Variants in TMEM209 observed in about 807,000 individuals in gnomAD.
TMEM209 encodes the protein transmembrane protein 209.
In TMEM209, 65 loss-of-function variants were observed where a neutral mutation model predicts 76.2. That is an observed-to-expected ratio of 0.85 (90% CI 0.70 to 1.05). The LOEUF (loss-of-function observed/expected upper bound fraction) is 1.05, where lower values mean the gene tolerates loss of function less well. TMEM209 is among the 50% of genes least tolerant of loss of function. The probability of loss-of-function intolerance (pLI) is 0.00; values close to 1 mark genes in which losing one functional copy is unlikely to be tolerated. For missense variants in TMEM209, 623 were observed against 685.5 expected (o/e 0.91, Z 1.02); for synonymous variants, 239 against 237.6 (o/e 1.01, Z -0.06).
chr7:130,196,115 C>T (rs1797962743), intron 5 of TMEM209, among the ~76,000 whole-genome samples: 2 of 152,070 alleles, frequency 1.3e-5, no homozygotes. Context: ...AAAAGATACA[C>T]AGGAGTTTAC....
At chr7:130,202,911 A>C (rs113951724) in intron 3 of TMEM209, among the ~76,000 whole-genome samples, 4,629 of 151,664 alleles carry the variant, frequency 0.031, 105 homozygotes, top group Middle Eastern at 0.065. Context: ...CAACATAGTG[A>C]AACCCCATCT....
chr7:130,192,044 C>T (rs934701593), intron 6 of TMEM209, among the ~76,000 whole-genome samples: 2 of 152,174 alleles, frequency 1.3e-5, no homozygotes, highest in African/African-American at 4.8e-5. Context: ...AAGTTCCTGA[C>T]GGGGGAAAAA....
At chr7:130,192,068 C>A (rs1797816214) in intron 6 of TMEM209, among the ~76,000 whole-genome samples, 1 of 152,140 alleles carries the variant, frequency 6.6e-6, no homozygotes, top group South Asian at 2.1e-4. Context: ...TTACTCAGTT[C>A]AATAACCTAA....
chr7:130,199,559 T>C (rs2117030871), intron 5 of TMEM209, among the ~76,000 whole-genome samples: 1 of 152,272 alleles, frequency 6.6e-6, no homozygotes, highest in East Asian at 1.9e-4. Context: ...TGACATATCT[T>C]TTAAGATTTT....
intron 14 of TMEM209, among the ~76,000 whole-genome samples, chr7:130,170,013 C>A (rs1335332102): frequency 1.3e-5 from 2 of 152,136 alleles, no homozygotes; most frequent in African/African-American, 4.8e-5. Flanking sequence ...GGAACAGGTA[C>A]CGACTCTGTC....
intron 13 of TMEM209, among the ~76,000 whole-genome samples, chr7:130,172,725 A>T (rs1202977630): frequency 6.6e-6 from 1 of 152,144 alleles, no homozygotes; most frequent in African/African-American, 2.4e-5. Flanking sequence ...TAGGCCGGGC[A>T]TGGTGGCTTA....
At chr7:130,198,683 C>T (rs925774922) in intron 5 of TMEM209, among the ~76,000 whole-genome samples, 4 of 152,194 alleles carry the variant, frequency 2.6e-5, no homozygotes, top group Non-Finnish European at 5.9e-5. Context: ...ATAGCTTTTA[C>T]TATATTCATA....
chr7:130,189,070 C>A (rs1426467384), intron 6 of TMEM209, among the ~76,000 whole-genome samples: 2 of 151,942 alleles, frequency 1.3e-5, no homozygotes, highest in African/African-American at 4.8e-5. Flanking sequence ...TATGTGATAC[C>A]TGATTGGATC....
Position 130,165,376 on chromosome 7 carries a change from C to A in TMEM209, c.*1075G>T, listed in dbSNP as rs1796849448. 6.6e-6 allele frequency: 1 copy of A among 152,028 alleles called. No individual in the cohort carries two copies. The highest frequency in any genetic ancestry group is 6.6e-5 in the Admixed American group (1 of 15,258). The allele number at this position is 152,028 out of a possible 1,614,324, so 9.4% of individuals were successfully genotyped here. On this transcript the variant is annotated 3_prime_UTR_variant, in exon 15 of 15. Coordinates refer to ENST00000397622, the MANE Select transcript of TMEM209 (RefSeq NM_032842.4). ...CTTCTCACCCTCCAGATATTTTGAACATATTTAAAAAATTTGAAGATAGGA... is the reference window on the plus strand; with the variant it reads ...CTTCTCACCCTCCAGATATTTTGAAAATATTTAAAAAATTTGAAGATAGGA...
At chr7:130,194,051 T>C (rs562125071) in intron 5 of TMEM209, among the ~76,000 whole-genome samples, 2 of 151,758 alleles carry the variant, frequency 1.3e-5, no homozygotes, top group South Asian at 4.2e-4. Flanking sequence ...ACAAAAAAAT[T>C]AGCTGGGTGT....
chr7:130,204,506 T>A (rs1366201827), intron 1 of TMEM209, among the ~76,000 whole-genome samples: 1 of 152,158 alleles, frequency 6.6e-6, no homozygotes, highest in Non-Finnish European at 1.5e-5. Context: ...CGCGTCCGAC[T>A]GATTTTTGTA....
In TMEM209 at chr7:130,178,409, C is replaced by A. The variant is rs146812311; in HGVS notation, c.1239G>T (p.Arg413Ser). ...CTTCAAATCAATAATTACCTTTGAT[C>A]CTTTCAAACAAGTATTCCTGATTTG... Reference protein sequence around the residue: ...LTPNQEYLFERIKELSQGGCM... With the variant: ...LTPNQEYLFESIKELSQGGCM... Residue 413 changes from arginine (R) to serine (S), a missense_variant, in exon 10 of 15, where the codon AGG becomes AGT. Coordinates refer to ENST00000397622, the MANE Select transcript of TMEM209 (RefSeq NM_032842.4). 6.2e-7 allele frequency: 1 copy of A among 1,609,344 alleles called. No individual in the cohort carries two copies. The highest frequency in any genetic ancestry group is 1.3e-5 in the African/African-American group (1 of 74,950).
chr7:130,193,845 T>C (rs1482197509), intron 5 of TMEM209, among the ~76,000 whole-genome samples: 1 of 152,094 alleles, frequency 6.6e-6, no homozygotes, highest in African/African-American at 2.4e-5. Flanking sequence ...AACCCTAATG[T>C]AAACTATGCA....
At position 130,174,005 on chromosome 7, in the gene TMEM209, T is replaced by C. The variant is rs148035824; in HGVS notation, c.1345-66A>G. 2.1e-3 allele frequency: 2,254 copies of C among 1,066,872 alleles called. 53 individuals are homozygous for C. The East Asian group carries it at 0.046, about 22-fold the overall frequency. The allele number at this position is 1,066,872 out of a possible 1,614,324, so 66.1% of individuals were successfully genotyped here. A position where few individuals can be genotyped will look rare whatever the true frequency, so the allele number is the denominator to read the frequency against. ...AATCTAGCATGGATGTAGAACCCTT[T>C]AGAAACATCTGTATTTATAACGATT... On this transcript the variant is annotated intron_variant, in intron 11 of 14. Transcript: ENST00000397622.
intron 14 of TMEM209, among the ~76,000 whole-genome samples, chr7:130,169,197 A>AT (rs1189360278): frequency 6.6e-6 from 1 of 150,544 alleles, no homozygotes; most frequent in Non-Finnish European, 1.5e-5. Flanking sequence ...TCCATCTCAA[A>AT]AAAAAAAAAA....
At chr7:130,201,729 G>T in intron 5 of TMEM209, 121 bp downstream of exon 5, 1 of 1,217,812 alleles carries the variant, frequency 8.2e-7, no homozygotes, top group Non-Finnish European at 1.1e-6. Flanking sequence ...GTTTTTAAAT[G>T]GGTGTTCTGG....
chr7:130,173,651 T>C lies in TMEM209; in HGVS notation c.1538A>G (p.His513Arg), dbSNP rs1797144516. Reference protein sequence around the residue: ...PPHYELIYQRHVYNLPKGRNN... With the variant: ...PPHYELIYQRRVYNLPKGRNN... ...AAATACCTTTGGCAGGTTGTATACA[T>C]GACGCTGGTAGATGAGCTCATAATG... The change falls in exon 13 of 15, where the codon CAT becomes CGT. Residue 513 changes from histidine (H) to arginine (R), a missense_variant. Transcript: ENST00000397622. The C allele has an allele frequency of 2.5e-6, 4 of 1,613,202 alleles. No individual in the cohort carries two copies. The highest frequency in any genetic ancestry group is 3.4e-6 in the Non-Finnish European group (4 of 1,179,614).
intron 13 of TMEM209, among the ~76,000 whole-genome samples, chr7:130,172,099 C>T (rs1380678912): frequency 6.6e-6 from 1 of 151,942 alleles, no homozygotes; most frequent in Non-Finnish European, 1.5e-5. Flanking sequence ...GTCAGGATTG[C>T]TTGAACCCAG....
At chr7:130,198,471 C>T (rs1031447443) in intron 5 of TMEM209, among the ~76,000 whole-genome samples, 3 of 151,984 alleles carry the variant, frequency 2.0e-5, no homozygotes, top group Non-Finnish European at 4.4e-5. Context: ...ATTAGCTGGG[C>T]ATGCTGGTGG....
Sources: allele counts gnomAD v4.1 joint callset (sites outside exome capture counted in the v4.1 genomes callset), GRCh38; gene constraint gnomAD v4.1.1; transcripts MANE v1.5; gene names NCBI Gene and HGNC (gene_info 2026-07-23, HGNC 2026-07-21).